The following UBE4B variants were observed in gnomAD, a reference collection of about 807,000 sequenced individuals.
The protein encoded by UBE4B is ubiquitin conjugation factor E4 B.
In UBE4B, 27 loss-of-function variants were observed where a neutral mutation model predicts 148.1. The ratio of observed to expected loss-of-function variants is 0.18; its 90% confidence interval spans 0.13 to 0.25. The LOEUF (loss-of-function observed/expected upper bound fraction) is 0.25, where lower values mean the gene tolerates loss of function less well. Ranked by LOEUF, UBE4B falls within the 10% of genes least tolerant of loss-of-function variation. UBE4B has a pLI of 1.00. For missense variants in UBE4B, 1,170 were observed against 1,662.4 expected, an observed-to-expected ratio of 0.70 and a Z score of 5.15; for synonymous variants, 596 against 619.3, an observed-to-expected ratio of 0.96 and a Z score of 0.56.
At chr1:10,073,648 A>T (rs1420585774) in intron 2 of UBE4B, among the ~76,000 whole-genome samples, 2 of 152,144 alleles carry the variant, frequency 1.3e-5, no homozygotes, top group Non-Finnish European at 2.9e-5. Flanking sequence ...TAAACCCGGG[A>T]GGTGGAGGTT....
intron 17 of UBE4B, among the ~76,000 whole-genome samples, chr1:10,144,260 C>G (rs2101972235): frequency 6.6e-6 from 1 of 152,204 alleles, no homozygotes; most frequent in East Asian, 1.9e-4. Flanking sequence ...AGTAAAATAG[C>G]CTTTTGTTTT....
chr1:10,060,845 G>A (rs954848007), intron 1 of UBE4B, among the ~76,000 whole-genome samples: 17 of 152,058 alleles, frequency 1.1e-4, no homozygotes, highest in Admixed American at 1.0e-3. Context: ...CTAGGCTCAA[G>A]TGATCCTCCT....
At chr1:10,132,277 C>T (rs1557582742) in intron 14 of UBE4B, 92 bp from the exon 15 acceptor site, 9 of 855,968 alleles carry the variant, frequency 1.1e-5, no homozygotes, top group East Asian at 2.7e-5. Flanking sequence ...GAGGAGAGAA[C>T]GTGGGAAGTA....
chr1:10,053,656 T>C (rs1644100013), intron 1 of UBE4B, among the ~76,000 whole-genome samples: 1 of 152,048 alleles, frequency 6.6e-6, no homozygotes, highest in South Asian at 2.1e-4. Context: ...CTTAATGCTC[T>C]CCCTACCCGC....
At chr1:10,111,554 C>T (rs1311285856) in intron 7 of UBE4B, among the ~76,000 whole-genome samples, 2 of 152,200 alleles carry the variant, frequency 1.3e-5, no homozygotes, top group Non-Finnish European at 2.9e-5. Flanking sequence ...GTTCCGTGCA[C>T]TATTCCAGGA....
rs2101919606 is a variant in UBE4B, at chr1:10,119,569, A to G, written c.1395A>G (p.Ile465Met). The G allele has an allele frequency of 6.2e-7, 1 of 1,613,632 alleles. No individual in the cohort carries two copies. The highest frequency in any genetic ancestry group is 2.2e-5 in the East Asian group (1 of 44,860). The change falls in exon 9 of 28, where the codon ATA (isoleucine) becomes ATG (methionine). Residue 465 changes from isoleucine to methionine, a missense_variant. Coordinates refer to ENST00000343090, the MANE Select transcript of UBE4B (RefSeq NM_001105562.3). ...TGAGCAACATCCGCTCACAGTGCAT[A>G]TCCCATACTGCTTTAGTACTACAAG... is the stretch of plus-strand genomic sequence containing the variant. ...QLLSNIRSQC[I>M]SHTALVLQGS...
At position 10,065,423 on chromosome 1, in the gene UBE4B, C is replaced by T. The variant is rs138350900; in HGVS notation, c.25-6605C>T. On this transcript the variant is annotated intron_variant, in intron 1 of 27. Transcript: ENST00000343090. ...GCTGTGTGTTGAAGGAAGAGGAGACCGCTGTACTTCACTGTATTGTTGTCC... is the reference window on the plus strand; with the variant it reads ...GCTGTGTGTTGAAGGAAGAGGAGACTGCTGTACTTCACTGTATTGTTGTCC... 2.4e-3 allele frequency among the ~76,000 whole-genome samples: 371 copies of T among 152,262 alleles called. 4 individuals are homozygous for T. Among genetic ancestry groups the T allele is most frequent in the African/African-American group, 8.5e-3 (354 of 41,548 alleles).
At chr1:10,102,465 C>T (rs1645031254) in intron 4 of UBE4B, among the ~76,000 whole-genome samples, 1 of 119,024 alleles carries the variant, frequency 8.4e-6, no homozygotes, top group Admixed American at 1.3e-4. Context: ...GGCTGGAGTG[C>T]AATGGCGTGA....
chr1:10,150,862 GAA>G (rs751799095), intron 20 of UBE4B, among the ~76,000 whole-genome samples: 2,209 of 107,542 alleles, frequency 0.021, 34 homozygotes, highest in Non-Finnish European at 0.032. Flanking sequence ...TCCATCTCAA[GAA>G]AAAAAAAAAA....
At chr1:10,138,948 T>C (rs1475977993) in intron 17 of UBE4B, among the ~76,000 whole-genome samples, 1 of 152,232 alleles carries the variant, frequency 6.6e-6, no homozygotes, top group African/African-American at 2.4e-5. Context: ...TAAACTTAAC[T>C]TTTATATTAA....
At position 10,113,203 on chromosome 1, in the gene UBE4B, A is replaced by G. The variant is rs538560006; in HGVS notation, c.1197-4256A>G. Among the ~76,000 whole-genome samples the G allele has an allele frequency of 1.1e-4, 16 of 152,306 alleles. No individual in the cohort carries two copies. The South Asian group carries it at 2.1e-3, about 20-fold the overall frequency. On this transcript the variant is annotated intron_variant, in intron 7 of 27. Transcript: ENST00000343090. ...CAGGTCACATGGCGAGAGCAGGAGC[A>G]ACAGAGAGGAGGAGGATGTCCCAGA...
At chr1:10,100,858 A>G (rs929936903) in intron 3 of UBE4B, 1 of 434,138 alleles carries the variant, frequency 2.3e-6, no homozygotes, top group East Asian at 4.6e-5. Flanking sequence ...TCGGCCAATG[A>G]TATACTTTTA....
rs982527844 is a variant in UBE4B at position 10,046,781 on chromosome 1, T to A, written c.24+13087T>A. Among the ~76,000 whole-genome samples, 3 of 152,200 alleles carry A rather than the reference T, an allele frequency of 2.0e-5. No individual in the cohort carries two copies. In the South Asian group the frequency reaches 6.2e-4, roughly 31 times the overall value. On this transcript the variant is annotated intron_variant, in intron 1 of 27. Coordinates refer to ENST00000343090, the MANE Select transcript of UBE4B (RefSeq NM_001105562.3). ...TTCTCCAGCTTGCTTCTTGTGGATA[T>A]TGAAGGAGTAGGCTTTTTCAACCCT...
intron 25 of UBE4B, 77 bp downstream of exon 25, chr1:10,171,406 G>T: frequency 4.0e-6 from 6 of 1,518,174 alleles, no homozygotes; most frequent in Non-Finnish European, 5.4e-6. Flanking sequence ...CAGGGAACTC[G>T]TCTGGTGTAA....
In UBE4B at chr1:10,147,080, G is replaced by A. The variant is rs147329205; in HGVS notation, c.2581G>A (p.Ala861Thr). The A allele has an allele frequency of 3.1e-5, 50 of 1,614,112 alleles. No individual in the cohort carries two copies. The highest frequency in any genetic ancestry group is 3.3e-4 in the Middle Eastern group (2 of 6,060). ...IQLLLRILDP[A>T]YPDITLPLNS... is the part of the protein sequence containing the mutation. ...GCTGCTGCTCCGCATCCTGGACCCC[G>A]CATATCCCGAGTGAGTGTGCTTCTT... Residue 861 changes from alanine (A) to threonine (T), a missense_variant, in exon 19 of 28, where the codon GCA becomes ACA. Physicochemically the swap from Ala to Thr is moderately conservative, Grantham distance 58 (BLOSUM62 0). Transcript: ENST00000343090.
At chr1:10,083,299 T>G (rs1248662720) in intron 2 of UBE4B, among the ~76,000 whole-genome samples, 1 of 152,154 alleles carries the variant, frequency 6.6e-6, no homozygotes, top group Admixed American at 6.6e-5. Context: ...GGAAAACAGA[T>G]GCAAAGGTCC....
chr1:10,118,124 T>G (rs1645345257), intron 8 of UBE4B, among the ~76,000 whole-genome samples: 1 of 152,148 alleles, frequency 6.6e-6, no homozygotes, highest in Non-Finnish European at 1.5e-5. Flanking sequence ...AGGCTGGGCT[T>G]AAACTCAGTA....
intron 7 of UBE4B, among the ~76,000 whole-genome samples, chr1:10,115,208 A>T (rs1645288622): frequency 6.7e-6 from 1 of 149,508 alleles, no homozygotes. Context: ...CTGGTCTCGA[A>T]CTCCTGACCT....
rs957418446 is a variant in UBE4B, at chr1:10,037,971, G to A, written c.24+4277G>A. Among the ~76,000 whole-genome samples, 6 of 152,060 alleles carry A rather than the reference G, an allele frequency of 3.9e-5. 1 individual carries two copies. Among genetic ancestry groups the A allele is most frequent in the Non-Finnish European group, 5.9e-5 (4 of 67,988 alleles). ...CTGCAAGATGGTTGGCTGGGATTCC[G>A]GGTGTGGTCAAGATTTTAGAAAGTG... On this transcript the variant is annotated intron_variant, in intron 1 of 27. Transcript: ENST00000343090.
Sources: allele counts gnomAD v4.1 joint callset (sites outside exome capture counted in the v4.1 genomes callset), GRCh38; gene constraint gnomAD v4.1.1; transcripts MANE v1.5; gene names NCBI Gene and HGNC (gene_info 2026-07-23, HGNC 2026-07-21).